The following MORN1 variants were observed in gnomAD, a reference collection of about 807,000 sequenced individuals.
MORN1 encodes MORN repeat containing 1.
A neutral mutation model predicts 61.9 loss-of-function variants in MORN1; 67 were observed. The ratio of observed to expected loss-of-function variants is 1.08; its 90% CI spans 0.89 to 1.33. The LOEUF (loss-of-function observed/expected upper bound fraction) is 1.33. Ranked by LOEUF, MORN1 falls within the 40% of genes most tolerant of loss-of-function variation. The probability of loss-of-function intolerance (pLI) is 0.00; values close to 1 mark genes in which losing one functional copy is unlikely to be tolerated. For synonymous variants in MORN1, 301 were observed against 292.0 expected (o/e 1.03, Z -0.31); for missense variants, 752 against 691.2 (o/e 1.09, Z -0.99).
intron 6 of MORN1, chr1:2,375,857 G>A (rs541947575): frequency 6.6e-6 from 1 of 152,634 alleles, no homozygotes; most frequent in African/African-American, 2.4e-5. Context: ...TTCCTGCAGT[G>A]TTCCAAGCTG....
At chr1:2,342,872 T>TTTTATTTTATTTTA (rs1557873777) in intron 10 of MORN1, among the ~76,000 whole-genome samples, 3,062 of 84,708 alleles carry the variant, frequency 0.036, 32 homozygotes, top group Middle Eastern at 0.074. Context: ...ATTTTATTTA[T>TTTTATTTTATTTTA]TTTATTTTAT....
At chr1:2,346,254 G>A (rs963986126) in intron 10 of MORN1, among the ~76,000 whole-genome samples, 5 of 152,344 alleles carry the variant, frequency 3.3e-5, no homozygotes, top group African/African-American at 9.6e-5. Flanking sequence ...ACGCCAGGGT[G>A]CCCGCAGTCA....
chr1:2,349,847 A>G (rs569285018), intron 10 of MORN1, among the ~76,000 whole-genome samples: 1 of 152,270 alleles, frequency 6.6e-6, no homozygotes, highest in Admixed American at 6.5e-5. Flanking sequence ...AAGAGAAACC[A>G]CTCAGATCCG....
chr1:2,323,870 G>A (rs1371337956), intron 13 of MORN1: 2 of 985,076 alleles, frequency 2.0e-6, no homozygotes, highest in African/African-American at 3.5e-5. Flanking sequence ...GGCTGTGTCG[G>A]CCCAGCTTCA....
rs1641432894 is a variant in MORN1, at chr1:2,342,887, T to TTTTATTTTATTTTATTTTATTTTATTTTA, written c.1037-6066_1037-6038dup. ...ATTTTATTTATTTTATTTTATTTTATTTTATTTTATTTTATTTTATTTTAT... is the reference window on the plus strand; with the variant it reads ...ATTTTATTTATTTTATTTTATTTTATTTTATTTTATTTTATTTTATTTTATTTTATTTATTTTATTTTATTTTATTTTAT... On this transcript the variant is annotated intron_variant, in intron 10 of 13. Coordinates refer to ENST00000378531, the MANE Select transcript of MORN1 (RefSeq NM_024848.3). Among the ~76,000 whole-genome samples, 106 of 113,186 alleles carry TTTTATTTTATTTTATTTTATTTTATTTTA rather than the reference T, an allele frequency of 9.4e-4. 1 individual carries two copies. Among genetic ancestry groups the TTTTATTTTATTTTATTTTATTTTATTTTA allele is most frequent in the Non-Finnish European group, 1.4e-3 (70 of 50,584 alleles). 74.3% of individuals were successfully genotyped at this position (113,186 alleles called of 152,430 possible).
At chr1:2,339,322 C>G (rs944653276) in intron 10 of MORN1, among the ~76,000 whole-genome samples, 2 of 152,166 alleles carry the variant, frequency 1.3e-5, no homozygotes, top group African/African-American at 4.8e-5. Flanking sequence ...ACGGAGGGGG[C>G]GTTTCTGCTG....
rs1642138029 is a variant in MORN1 at position 2,372,203 on chromosome 1, T to A, written c.745+278A>T. On this transcript the variant is annotated intron_variant, in intron 8 of 13. Coordinates refer to ENST00000378531, the MANE Select transcript of MORN1 (RefSeq NM_024848.3). This position sits in a 1 kb window ranked among gnomAD's most constrained non-coding sequence, Gnocchi z 5.4. ...CCCCACACGTATACACATTCAGACCTGTGCACACCTGTGCAAGGCATACAC... is the reference window on the plus strand; with the variant it reads ...CCCCACACGTATACACATTCAGACCAGTGCACACCTGTGCAAGGCATACAC... 5.3e-6 allele frequency: 2 copies of A among 375,724 alleles called. No homozygotes were observed. The highest frequency in any genetic ancestry group is 8.5e-5 in the Admixed American group (2 of 23,438). The allele number at this position is 375,724 out of a possible 1,614,324, so 23.3% of individuals were successfully genotyped here.
intron 10 of MORN1, among the ~76,000 whole-genome samples, chr1:2,348,255 G>C (rs1641557703): frequency 6.6e-6 from 1 of 152,218 alleles, no homozygotes; most frequent in South Asian, 2.1e-4. Flanking sequence ...GAGAGACCCG[G>C]GTTACGCATC....
rs368851690 is a variant in MORN1 at position 2,330,906 on chromosome 1, C to T, written c.1250+5563G>A. ...AAAGTCATGGCCACGTTGATTAAAC[C>T]GAGTCCTTCTTCTGCAGCTGACATA... is the stretch of plus-strand genomic sequence containing the variant. On this transcript the variant is annotated intron_variant, in intron 12 of 13. Coordinates refer to ENST00000378531, the MANE Select transcript of MORN1 (RefSeq NM_024848.3). Among the ~76,000 whole-genome samples, 374 of 152,332 alleles carry T rather than the reference C, an allele frequency of 2.5e-3. 1 individual carries two copies. The highest frequency in any genetic ancestry group is 8.4e-3 in the African/African-American group (349 of 41,558).
chr1:2,331,836 C>CGAAATTACAGGCTGGTGTGTCACTTT (rs1641157045), intron 12 of MORN1, among the ~76,000 whole-genome samples: 3 of 143,226 alleles, frequency 2.1e-5, no homozygotes, highest in East Asian at 2.1e-4. Flanking sequence ...GCGCCTCTCC[C>CGAAATTACAGGCTGGTGTGTCACTTT]TCGTGCGGCT....
intron 10 of MORN1, among the ~76,000 whole-genome samples, chr1:2,342,840 A>ATATTTTATTT (rs768672830): frequency 0.054 from 5,525 of 101,760 alleles, 276 homozygotes; most frequent in Admixed American, 0.07. Context: ...ATTTTATTTT[A>ATATTTTATTT]TATTTTATTT....
rs538143543 is a variant in MORN1 at position 2,378,621 on chromosome 1, G to A, written c.538-4064C>T. 33 of 287,554 alleles carry A rather than the reference G, an allele frequency of 1.1e-4. No homozygotes were observed. The East Asian group carries it at 2.1e-3, about 18-fold the overall frequency. 17.8% of individuals were successfully genotyped at this position (287,554 alleles called of 1,614,324 possible). A position where few individuals can be genotyped will look rare whatever the true frequency, so the allele number is the denominator to read the frequency against. On this transcript the variant is annotated intron_variant, in intron 6 of 13. Transcript: ENST00000378531. ...GTGTGAGACAGCCAACACTCACGGC[G>A]CAGCTGATACAGCCAGGGATGCCCG...
rs561206367 is a variant in MORN1 at position 2,338,535 on chromosome 1, C to T, written c.1037-1685G>A. ...CTAATCATGCGGACACCCTCACCCT[C>T]GGCAAGGTGACCGCTCCAGAGTGGG... On this transcript the variant is annotated intron_variant, in intron 10 of 13. Coordinates refer to ENST00000378531, the MANE Select transcript of MORN1 (RefSeq NM_024848.3). Among the ~76,000 whole-genome samples the T allele has an allele frequency of 3.7e-3, 558 of 152,328 alleles. 1 individual carries two copies. Among genetic ancestry groups the T allele is most frequent in the Non-Finnish European group, 6.7e-3 (454 of 68,040 alleles).
At chr1:2,352,599 T>G (rs1641676038) in intron 10 of MORN1, 1 of 152,322 alleles carries the variant, frequency 6.6e-6, no homozygotes, top group Non-Finnish European at 1.5e-5. Context: ...GCTCTCTGAC[T>G]GTGGCCAGGC....
rs552239972 is a variant in MORN1, at chr1:2,336,366, A to G, written c.1250+103T>C. Reference sequence around the variant, plus strand: ...TGTAGGCTCACTGTCTTCCCAGACCAGGCCCTTGGCTCCCCTGGGCCTTCC... The same window carrying G: ...TGTAGGCTCACTGTCTTCCCAGACCGGGCCCTTGGCTCCCCTGGGCCTTCC... On this transcript the variant is annotated intron_variant, in intron 12 of 13. Coordinates refer to ENST00000378531, the MANE Select transcript of MORN1 (RefSeq NM_024848.3). 40 of 1,186,944 alleles carry G rather than the reference A, an allele frequency of 3.4e-5. No homozygotes were observed. In the East Asian group the frequency reaches 8.3e-4, roughly 24 times the overall value. The allele number at this position is 1,186,944 out of a possible 1,614,324, so 73.5% of individuals were successfully genotyped here.
chr1:2,332,795 G>A, intron 12 of MORN1: 1 of 453,104 alleles, frequency 2.2e-6, no homozygotes, highest in South Asian at 1.6e-5. Context: ...GAGGCTTTGG[G>A]GCTTGTGCGG....
rs79210697 is a variant in MORN1 at position 2,323,895 on chromosome 1, G to A, written c.1297+202C>T. 3,688 of 984,956 alleles carry A rather than the reference G, an allele frequency of 3.7e-3. 45 individuals carry two copies. In the African/African-American group the frequency reaches 0.039, roughly 10 times the overall value. 61.0% of individuals were successfully genotyped at this position (984,956 alleles called of 1,614,324 possible). ...GCCCAGCTTCAAATCTTTCTGGACC[G>A]TCCCCAGCCCCCAAGCCACCAGCCC... On this transcript the variant is annotated intron_variant, in intron 13 of 13. Transcript: ENST00000378531.
At chr1:2,387,210 C>A (rs776921140) in intron 4 of MORN1, 11 of 588,042 alleles carry the variant, frequency 1.9e-5, no homozygotes, top group Non-Finnish European at 2.1e-5. Context: ...CTGCATCAAG[C>A]GCCGCAGGAC....
intron 7 of MORN1, 67 bp downstream of exon 7, chr1:2,374,394 G>A: frequency 7.1e-7 from 1 of 1,413,904 alleles, no homozygotes; most frequent in Non-Finnish European, 9.8e-7. Context: ...CCATATGGCT[G>A]CCCGGGGGCC....
Sources: allele counts gnomAD v4.1 joint callset (sites outside exome capture counted in the v4.1 genomes callset), GRCh38; gene constraint gnomAD v4.1.1; non-coding constraint Gnocchi (gnomAD v3.1); transcripts MANE v1.5; gene names NCBI Gene and HGNC (gene_info 2026-07-23, HGNC 2026-07-21).